ATG10: variants seen among roughly 807,000 people sequenced by gnomAD.
ATG10 encodes ubiquitin-like-conjugating enzyme ATG10.
In ATG10, 30 loss-of-function variants were observed where a neutral mutation model predicts 32.1. The ratio of observed to expected loss-of-function variants is 0.94; its 90% CI spans 0.70 to 1.27. The LOEUF (loss-of-function observed/expected upper bound fraction) is 1.27. Ranked by LOEUF, ATG10 falls within the 50% of genes most tolerant of loss-of-function variation. The pLI is 0.00. For synonymous variants in ATG10, 87 were observed against 91.5 expected (o/e 0.95, Z 0.28); for missense variants, 233 against 262.3 (o/e 0.89, Z 0.77).
intron 3 of ATG10, among the ~76,000 whole-genome samples, chr5:82,082,989 G>A (rs1212512695): frequency 2.0e-5 from 3 of 152,208 alleles, no homozygotes; most frequent in African/African-American, 7.2e-5. Flanking sequence ...CATCTCACTG[G>A]GGCTTGTCAG....
chr5:82,013,409 T>C (rs767597257), intron 2 of ATG10, among the ~76,000 whole-genome samples: 4 of 152,228 alleles, frequency 2.6e-5, no homozygotes, highest in Non-Finnish European at 5.9e-5. Context: ...TTGTTCCTTT[T>C]TATGACTGAG....
chr5:82,108,998 A>C (rs1220525878), intron 3 of ATG10, among the ~76,000 whole-genome samples: 2 of 152,132 alleles, frequency 1.3e-5, no homozygotes, highest in Non-Finnish European at 2.9e-5. Context: ...GGAGCCGAAG[A>C]AAAGTCAGAG....
At chr5:82,053,001 G>A (rs889207300) in intron 2 of ATG10, among the ~76,000 whole-genome samples, 2 of 152,092 alleles carry the variant, frequency 1.3e-5, no homozygotes, top group African/African-American at 2.4e-5. Flanking sequence ...ATTATTAGAA[G>A]TAACATTTCT....
At chr5:82,165,284 C>T (rs1039025465) in intron 4 of ATG10, among the ~76,000 whole-genome samples, 2 of 152,342 alleles carry the variant, frequency 1.3e-5, no homozygotes, top group Admixed American at 1.3e-4. Flanking sequence ...CCTATTTCTC[C>T]TTTTGTATCT....
At chr5:82,139,717 G>C (rs1469278519) in intron 3 of ATG10, among the ~76,000 whole-genome samples, 3 of 144,484 alleles carry the variant, frequency 2.1e-5, no homozygotes, top group Non-Finnish European at 4.6e-5. Flanking sequence ...AGGTGGGGGG[G>C]GGTCAGCCCC....
chr5:81,988,175 C>A (rs111941197), intron 2 of ATG10, among the ~76,000 whole-genome samples: 72 of 152,284 alleles, frequency 4.7e-4, no homozygotes, highest in African/African-American at 1.6e-3. Flanking sequence ...CTCACTCTGT[C>A]CCCCACGCTG....
At chr5:82,049,411 A>AG (rs1400788464) in intron 2 of ATG10, among the ~76,000 whole-genome samples, 1 of 35,126 alleles carries the variant, frequency 2.8e-5, no homozygotes, top group Non-Finnish European at 5.2e-5. Context: ...GGGTGGGGGG[A>AG]GGGGGGGAGG....
At chr5:82,063,337 AAAAC>A (rs1240456697) in intron 3 of ATG10, among the ~76,000 whole-genome samples, 1 of 152,158 alleles carries the variant, frequency 6.6e-6, no homozygotes, top group Non-Finnish European at 1.5e-5. Context: ...TAAAAACAAA[AAAAC>A]CAAAAACAAA....
intron 2 of ATG10, among the ~76,000 whole-genome samples, chr5:82,022,089 T>A (rs1209466961): frequency 1.3e-5 from 2 of 149,870 alleles, no homozygotes; most frequent in East Asian, 4.1e-4. Context: ...CTCGGGAGGC[T>A]GAGGCAGGAG....
At chr5:81,983,602 C>T (rs1366453678) in intron 1 of ATG10, among the ~76,000 whole-genome samples, 1 of 148,868 alleles carries the variant, frequency 6.7e-6, no homozygotes, top group African/African-American at 2.5e-5. Flanking sequence ...AGAGGCGCCC[C>T]TCACCTCCCC....
intron 4 of ATG10, among the ~76,000 whole-genome samples, chr5:82,176,601 CACAT>C (rs1472018592): frequency 6.6e-6 from 1 of 152,142 alleles, no homozygotes; most frequent in Admixed American, 6.6e-5. Flanking sequence ...CACACGCACA[CACAT>C]ACACATATGC....
intron 3 of ATG10, among the ~76,000 whole-genome samples, chr5:82,119,670 A>G (rs1051846261): frequency 1.3e-5 from 2 of 152,172 alleles, no homozygotes; most frequent in African/African-American, 4.8e-5. Context: ...CATGTTGGCC[A>G]GGCTGGTCTT....
At chr5:82,113,059 T>C (rs569306714) in intron 3 of ATG10, among the ~76,000 whole-genome samples, 133 of 152,072 alleles carry the variant, frequency 8.7e-4, no homozygotes, top group African/African-American at 2.8e-3. Flanking sequence ...CCAAATATAG[T>C]AGTATAGCTT....
At chr5:82,074,533 C>A (rs1247901197) in intron 3 of ATG10, among the ~76,000 whole-genome samples, 1 of 151,872 alleles carries the variant, frequency 6.6e-6, no homozygotes, top group East Asian at 1.9e-4. Context: ...TTCATCTTTT[C>A]TTTGGTATTC....
At chr5:82,136,957 G>A (rs974277711) in intron 3 of ATG10, among the ~76,000 whole-genome samples, 9 of 151,926 alleles carry the variant, frequency 5.9e-5, no homozygotes, top group Middle Eastern at 6.8e-3. Flanking sequence ...ATTTCATTAA[G>A]TTGATCTTCA....
Position 81,984,129 on chromosome 5 carries a change from TG to T in ATG10, c.-12-3427del, listed in dbSNP as rs1446848040. On this transcript the variant is annotated intron_variant, in intron 1 of 7. Coordinates refer to ENST00000282185, the MANE Select transcript of ATG10 (RefSeq NM_031482.5). ...GAGATCACGCCACTGCACTCCAGCC[TG>T]GGCACCATTGAGCACTGAATGAACC... is the stretch of plus-strand genomic sequence containing the variant. Among the ~76,000 whole-genome samples, 6 of 152,366 alleles carry T rather than the reference TG, an allele frequency of 3.9e-5. No homozygotes were observed. In the South Asian group the frequency reaches 6.2e-4, roughly 16 times the overall value.
At chr5:81,993,396 T>TCTTTTCTTTTCTTTTCTTG (rs1457131341) in intron 2 of ATG10, among the ~76,000 whole-genome samples, 1 of 130,302 alleles carries the variant, frequency 7.7e-6, no homozygotes, top group Non-Finnish European at 1.6e-5. Flanking sequence ...TTCTTTTTTT[T>TCTTTTCTTTTCTTTTCTTG]TCTTTTCTTT....
At chr5:82,225,367 A>G (rs556121310) in intron 5 of ATG10, among the ~76,000 whole-genome samples, 2 of 152,310 alleles carry the variant, frequency 1.3e-5, no homozygotes, top group East Asian at 3.9e-4. Flanking sequence ...TTTGCTTTCG[A>G]TCATTTAAGT....
intron 2 of ATG10, among the ~76,000 whole-genome samples, chr5:82,038,508 T>C (rs1762999011): frequency 2.0e-5 from 3 of 152,168 alleles, no homozygotes. Context: ...CTCCATGGAA[T>C]GGTAGTGGGA....
Sources: gnomAD v4.1 joint callset for allele counts (sites outside exome capture counted in the v4.1 genomes callset) on GRCh38, gnomAD v4.1.1 for gene constraint, MANE v1.5 for transcripts, NCBI Gene and HGNC (gene_info 2026-07-23, HGNC 2026-07-21) for gene names.